Variants in RAB22A observed in about 807,000 individuals in gnomAD.
The protein encoded by RAB22A is ras-related protein Rab-22A.
A neutral mutation model predicts 30.2 loss-of-function variants in RAB22A; 13 were observed. That is an observed-to-expected ratio of 0.43 (90% confidence interval 0.28 to 0.68). The LOEUF is 0.68. Among genes scored for constraint, RAB22A ranks in the 30% least tolerant of loss-of-function variants. RAB22A has a pLI of 0.18. For missense variants in RAB22A, 177 were observed against 246.8 expected (o/e 0.72, Z 1.89); for synonymous variants, 89 against 87.2 (o/e 1.02, Z -0.11).
intron 2 of RAB22A, among the ~76,000 whole-genome samples, chr20:58,318,232 A>G (rs1399158513): frequency 1.3e-5 from 2 of 152,240 alleles, no homozygotes; most frequent in Non-Finnish European, 2.9e-5. Context: ...CAATGTGTAT[A>G]TGGTTTTTAA....
At chr20:58,323,517 A>G (rs1272271054) in intron 2 of RAB22A, among the ~76,000 whole-genome samples, 1 of 151,984 alleles carries the variant, frequency 6.6e-6, no homozygotes, top group Non-Finnish European at 1.5e-5. Flanking sequence ...TGGTAATACT[A>G]GGTATTATCC....
Position 58,367,266 on chromosome 20 carries a change from T to A in RAB22A, c.*7563T>A, listed in dbSNP as rs1987335763. 1 of 152,248 alleles carries A rather than the reference T, an allele frequency of 6.6e-6. No individual in the cohort carries two copies. The highest frequency in any genetic ancestry group is 1.5e-5 in the Non-Finnish European group (1 of 68,024). The allele number at this position is 152,248 out of a possible 1,614,324, so 9.4% of individuals were successfully genotyped here. ...GTAAACCATATGATGCCTGTATTGTTTATAGATGCTGACAAAAGAAAACTA... is the reference window on the plus strand; with the variant it reads ...GTAAACCATATGATGCCTGTATTGTATATAGATGCTGACAAAAGAAAACTA... On this transcript the variant is annotated 3_prime_UTR_variant, in exon 7 of 7. Coordinates refer to ENST00000244040, the MANE Select transcript of RAB22A (RefSeq NM_020673.3).
chr20:58,342,495 A>G (rs1986872014), intron 2 of RAB22A, among the ~76,000 whole-genome samples: 1 of 152,172 alleles, frequency 6.6e-6, no homozygotes. Context: ...CATCCTGTCT[A>G]TTCAACTTGC....
intron 3 of RAB22A, among the ~76,000 whole-genome samples, chr20:58,352,852 C>T (rs1353318799): frequency 6.6e-6 from 1 of 152,216 alleles, no homozygotes; most frequent in Non-Finnish European, 1.5e-5. Context: ...GTTCAGATTA[C>T]AGGGTTTTCT....
chr20:58,348,757 T>C (rs717671), intron 3 of RAB22A, among the ~76,000 whole-genome samples: 23,831 of 151,814 alleles, frequency 0.16, 2,405 homozygotes, highest in East Asian at 0.29. Flanking sequence ...TGTCTCAGGC[T>C]GCATATAAAA....
intron 2 of RAB22A, among the ~76,000 whole-genome samples, chr20:58,334,349 A>G (rs1343678173): frequency 1.3e-5 from 2 of 151,016 alleles, no homozygotes; most frequent in Non-Finnish European, 2.9e-5. Context: ...AAAAAAAAAA[A>G]TTCTTTTTTT....
At position 58,367,454 on chromosome 20, in the gene RAB22A, G is replaced by A. The variant is rs1322984162; in HGVS notation, c.*7751G>A. The A allele has an allele frequency of 6.6e-6, 1 of 152,512 alleles. No individual in the cohort carries two copies. The highest frequency in any genetic ancestry group is 1.5e-5 in the Non-Finnish European group (1 of 68,010). 9.4% of individuals were successfully genotyped at this position (152,512 alleles called of 1,614,324 possible). A position where few individuals can be genotyped will look rare whatever the true frequency, so the allele number is the denominator to read the frequency against. On this transcript the variant is annotated 3_prime_UTR_variant, in exon 7 of 7. Coordinates refer to ENST00000244040, the MANE Select transcript of RAB22A (RefSeq NM_020673.3). ...GTATAACATGCTAAATCACTGTTTT[G>A]TTGTAAGAAGGGTGTAAACATTTTG... is the stretch of plus-strand genomic sequence containing the variant.
intron 2 of RAB22A, among the ~76,000 whole-genome samples, chr20:58,315,096 A>G (rs36075160): frequency 0.087 from 13,225 of 152,076 alleles, 763 homozygotes; most frequent in African/African-American, 0.16. Context: ...AGTCCGGAGG[A>G]GGAGCCGACA....
chr20:58,366,958 T>C lies in RAB22A; in HGVS notation c.*7255T>C, dbSNP rs1171520239. On this transcript the variant is annotated 3_prime_UTR_variant, in exon 7 of 7. Coordinates refer to ENST00000244040, the MANE Select transcript of RAB22A (RefSeq NM_020673.3). ...AAGCCGTCCTACCAGCAATCTCTCT[T>C]TCTCCTAAGAATGTCATGCCTTCTC... 1 of 152,674 alleles carries C rather than the reference T, an allele frequency of 6.5e-6. No individual in the cohort carries two copies. Among genetic ancestry groups the C allele is most frequent in the Non-Finnish European group, 1.5e-5 (1 of 68,048 alleles). 9.5% of individuals were successfully genotyped at this position (152,674 alleles called of 1,614,324 possible). A position where few individuals can be genotyped will look rare whatever the true frequency, so the allele number is the denominator to read the frequency against.
intron 2 of RAB22A, among the ~76,000 whole-genome samples, chr20:58,313,679 C>G (rs1327473689): frequency 6.6e-6 from 1 of 152,158 alleles, no homozygotes; most frequent in East Asian, 1.9e-4. Context: ...GTCAAATGGC[C>G]TTTTCTTGGT....
intron 3 of RAB22A, among the ~76,000 whole-genome samples, chr20:58,346,818 T>G (rs1008403033): frequency 1.3e-5 from 2 of 152,216 alleles, no homozygotes; most frequent in African/African-American, 4.8e-5. Flanking sequence ...ATAAACTCTT[T>G]GGAGTATTCC....
chr20:58,320,893 T>TA (rs1600725010), intron 2 of RAB22A, among the ~76,000 whole-genome samples: 1 of 151,850 alleles, frequency 6.6e-6, no homozygotes, highest in Non-Finnish European at 1.5e-5. Flanking sequence ...CTGTCTCTGC[T>TA]AAAAAATACA....
chr20:58,339,624 T>C (rs1345645622), intron 2 of RAB22A, among the ~76,000 whole-genome samples: 8 of 152,214 alleles, frequency 5.3e-5, no homozygotes, highest in Non-Finnish European at 8.8e-5. Flanking sequence ...CAAAATTGGA[T>C]GCAAGTAACA....
At position 58,366,860 on chromosome 20, in the gene RAB22A, A is replaced by G. The variant is rs527841542; in HGVS notation, c.*7157A>G. 48 of 152,566 alleles carry G rather than the reference A, an allele frequency of 3.1e-4. No homozygotes were observed. The highest frequency in any genetic ancestry group is 6.5e-4 in the Non-Finnish European group (44 of 68,036). The allele number at this position is 152,566 out of a possible 1,614,324, so 9.5% of individuals were successfully genotyped here. On this transcript the variant is annotated 3_prime_UTR_variant, in exon 7 of 7. Coordinates refer to ENST00000244040, the MANE Select transcript of RAB22A (RefSeq NM_020673.3). The stretch of plus-strand genomic sequence containing the variant: ...TAATAAAGCATTTGTTAAGCGTGTA[A>G]AAGTCCAAATTAAAAGTCTTGAAGA...
At chr20:58,312,182 T>A (rs1466425045) in intron 2 of RAB22A, among the ~76,000 whole-genome samples, 1 of 152,058 alleles carries the variant, frequency 6.6e-6, no homozygotes, top group Non-Finnish European at 1.5e-5. Flanking sequence ...CTCGAACTCC[T>A]AACCTCAGGT....
intron 3 of RAB22A, among the ~76,000 whole-genome samples, chr20:58,351,670 G>A (rs147410839): frequency 0.017 from 2,566 of 152,170 alleles, 28 homozygotes; most frequent in Non-Finnish European, 0.021. Context: ...AAAATTAGCC[G>A]GGCGTGGTAG....
chr20:58,340,370 A>T (rs1309168743), intron 2 of RAB22A, among the ~76,000 whole-genome samples: 1 of 152,134 alleles, frequency 6.6e-6, no homozygotes, highest in Non-Finnish European at 1.5e-5. Flanking sequence ...GCACTAGTTG[A>T]GCCACTTCCC....
At chr20:58,359,101 C>T (rs1032942860) in intron 6 of RAB22A, among the ~76,000 whole-genome samples, 3 of 152,080 alleles carry the variant, frequency 2.0e-5, no homozygotes, top group East Asian at 1.9e-4. Flanking sequence ...GAAGGCTACA[C>T]GAGAAATGGG....
In RAB22A at chr20:58,362,041, C is replaced by G. The variant is rs1310441179; in HGVS notation, c.*2338C>G. On this transcript the variant is annotated 3_prime_UTR_variant, in exon 7 of 7. Transcript: ENST00000244040. ...GTGTGATTCTGTTTTATTATAGCCA[C>G]ATGTTTTATTAACAGAATGAGTGAT... is the stretch of plus-strand genomic sequence containing the variant. 1 of 152,082 alleles carries G rather than the reference C, an allele frequency of 6.6e-6. No homozygotes were observed. The highest frequency in any genetic ancestry group is 1.5e-5 in the Non-Finnish European group (1 of 68,012). The allele number at this position is 152,082 out of a possible 1,614,324, so 9.4% of individuals were successfully genotyped here.
Sources: allele counts gnomAD v4.1 joint callset (sites outside exome capture counted in the v4.1 genomes callset), GRCh38; gene constraint gnomAD v4.1.1; transcripts MANE v1.5; gene names NCBI Gene and HGNC (gene_info 2026-07-23, HGNC 2026-07-21).